The following GRIN2A variants were observed in gnomAD, a reference collection of about 807,000 sequenced individuals.
The protein encoded by GRIN2A is glutamate ionotropic receptor NMDA type subunit 2A, also known as glutamate receptor ionotropic, NMDA 2A.
GRIN2A carries 22 observed loss-of-function variants against 113.4 expected under a neutral mutation model. That is an observed-to-expected ratio of 0.19 (90% CI 0.14 to 0.28). GRIN2A has a LOEUF of 0.28. GRIN2A is among the 10% of genes least tolerant of loss of function. The pLI, the probability that GRIN2A is intolerant of heterozygous loss-of-function variation, is 1.00. For synonymous variants in GRIN2A, 827 were observed against 738.4 expected, an observed-to-expected ratio of 1.12 and a Z score of -1.94; for missense variants, 1,502 against 1,887.0, an observed-to-expected ratio of 0.80 and a Z score of 3.78.
intron 3 of GRIN2A, 70 bp downstream of exon 3, chr16:9,937,889 T>C (rs1356630207): frequency 3.7e-6 from 4 of 1,082,568 alleles, no homozygotes; most frequent in Non-Finnish European, 5.7e-6. Context: ...ACAATGAGTA[T>C]GTAAGCAAGC....
At chr16:9,965,426 G>C (rs546252652) in intron 2 of GRIN2A, among the ~76,000 whole-genome samples, 1 of 152,186 alleles carries the variant, frequency 6.6e-6, no homozygotes, top group Non-Finnish European at 1.5e-5. Context: ...GGGCAGTGAG[G>C]AAGCCAGGAA....
At chr16:10,143,206 G>A (rs2049364072) in intron 2 of GRIN2A, among the ~76,000 whole-genome samples, 1 of 152,136 alleles carries the variant, frequency 6.6e-6, no homozygotes, top group Non-Finnish European at 1.5e-5. Context: ...TGAAAACAAG[G>A]ACACTGTAAG....
chr16:10,010,214 C>T (rs1461871884), intron 2 of GRIN2A, among the ~76,000 whole-genome samples: 1 of 152,212 alleles, frequency 6.6e-6, no homozygotes, highest in Non-Finnish European at 1.5e-5. Context: ...TATTATCAAG[C>T]TGTTCATTTC....
At chr16:9,967,721 TA>T (rs2045583918) in intron 2 of GRIN2A, among the ~76,000 whole-genome samples, 1 of 151,660 alleles carries the variant, frequency 6.6e-6, no homozygotes, top group African/African-American at 2.4e-5. Flanking sequence ...AAAAATTACA[TA>T]ATGGACTTTG....
At chr16:9,878,278 T>C (rs142187935) in intron 4 of GRIN2A, among the ~76,000 whole-genome samples, 4 of 152,320 alleles carry the variant, frequency 2.6e-5, no homozygotes, top group African/African-American at 9.6e-5. Flanking sequence ...GTCCTGCCTT[T>C]ACCACTGTAT....
chr16:10,101,842 C>T (rs973278725), intron 2 of GRIN2A, among the ~76,000 whole-genome samples: 5 of 152,152 alleles, frequency 3.3e-5, no homozygotes, highest in African/African-American at 9.7e-5. Flanking sequence ...ATGGTTATTG[C>T]TATAATTTGG....
At chr16:9,823,562 G>A (rs2042329451) in intron 9 of GRIN2A, among the ~76,000 whole-genome samples, 1 of 152,144 alleles carries the variant, frequency 6.6e-6, no homozygotes, top group Admixed American at 6.5e-5. Flanking sequence ...ATTGAATTCT[G>A]GAACTAGAAA....
chr16:10,039,614 G>GGCGCGGGGAGGGTCT (rs894362448), intron 2 of GRIN2A, among the ~76,000 whole-genome samples: 2 of 151,896 alleles, frequency 1.3e-5, no homozygotes, highest in East Asian at 2.0e-4. Context: ...GGTGGCGTTG[G>GGCGCGGGGAGGGTCT]GCGCGGGGAG....
intron 10 of GRIN2A, among the ~76,000 whole-genome samples, chr16:9,812,830 G>A: frequency 6.6e-6 from 1 of 152,186 alleles, no homozygotes; most frequent in South Asian, 2.1e-4. Flanking sequence ...TTCAGAAGTG[G>A]AATAGTAGCT....
intron 2 of GRIN2A, among the ~76,000 whole-genome samples, chr16:10,080,793 G>A (rs2142055248): frequency 6.6e-6 from 1 of 152,248 alleles, no homozygotes; most frequent in African/African-American, 2.4e-5. Context: ...ACCTCAAGGA[G>A]GCCCAGCCCT....
rs539525752 is a variant in GRIN2A at position 10,129,981 on chromosome 16, T to G, written c.414+50017A>C. 6.6e-4 allele frequency among the ~76,000 whole-genome samples: 100 copies of G among 152,304 alleles called. 2 individuals are homozygous for G. The highest frequency in any genetic ancestry group is 2.3e-3 in the African/African-American group (95 of 41,566). On this transcript the variant is annotated intron_variant, in intron 2 of 12. Coordinates refer to ENST00000330684, the MANE Select transcript of GRIN2A (RefSeq NM_001134407.3). ...GGGCAGAGCTAGAAGCCCTTGCTGA[T>G]GGTTTCTACATAGCAGGTAAGAGGG...
intron 5 of GRIN2A, among the ~76,000 whole-genome samples, chr16:9,847,923 T>TTA (rs200942227): frequency 0.01 from 1,436 of 140,160 alleles, 31 homozygotes; most frequent in African/African-American, 0.039. Flanking sequence ...TTTATATGTT[T>TTA]TATATATATA....
intron 2 of GRIN2A, among the ~76,000 whole-genome samples, chr16:9,983,493 G>A (rs1227198785): frequency 1.3e-5 from 2 of 148,880 alleles, no homozygotes; most frequent in Non-Finnish European, 3.0e-5. Flanking sequence ...AGGCTGGAGT[G>A]CAGTGGCGTG....
chr16:10,031,249 C>T (rs1014799090), intron 2 of GRIN2A: 7 of 152,208 alleles, frequency 4.6e-5, no homozygotes, highest in African/African-American at 1.7e-4. Flanking sequence ...CTTCCAATAC[C>T]CTGAGCCTGT....
chr16:9,905,582 T>G (rs1447449824), intron 3 of GRIN2A, among the ~76,000 whole-genome samples: 1 of 152,224 alleles, frequency 6.6e-6, no homozygotes, highest in Admixed American at 6.5e-5. Flanking sequence ...TGTTCCTTCC[T>G]CTCGCAAAAA....
intron 2 of GRIN2A, among the ~76,000 whole-genome samples, chr16:10,016,430 T>A (rs2046612774): frequency 6.6e-6 from 1 of 152,062 alleles, no homozygotes; most frequent in African/African-American, 2.4e-5. Flanking sequence ...AAAGAAGGAC[T>A]ATTGCCCCAC....
intron 2 of GRIN2A, among the ~76,000 whole-genome samples, chr16:10,125,933 C>A (rs1567317124): frequency 6.6e-6 from 1 of 152,042 alleles, no homozygotes. Flanking sequence ...CTCACACCTG[C>A]AGGAAAACTG....
At chr16:9,831,891 A>G (rs751262120) in intron 8 of GRIN2A, among the ~76,000 whole-genome samples, 11 of 151,448 alleles carry the variant, frequency 7.3e-5, no homozygotes, top group Non-Finnish European at 1.5e-4. Flanking sequence ...TTCATCTTAT[A>G]CTATTGTCTA....
At chr16:10,025,455 C>T (rs1052534175) in intron 2 of GRIN2A, among the ~76,000 whole-genome samples, 1 of 151,972 alleles carries the variant, frequency 6.6e-6, no homozygotes. Flanking sequence ...GCCTATGCCA[C>T]CACATCTGAC....
Sources: gnomAD v4.1 joint callset for allele counts (sites outside exome capture counted in the v4.1 genomes callset) on GRCh38, gnomAD v4.1.1 for gene constraint, MANE v1.5 for transcripts, NCBI Gene and HGNC (gene_info 2026-07-23, HGNC 2026-07-21) for gene names.